The following SYCE1 variants were observed in gnomAD, a reference collection of about 807,000 sequenced individuals.
SYCE1 encodes the protein synaptonemal complex central element protein 1, also known as cancer/testis antigen 76.
In SYCE1, 37 loss-of-function variants were observed where a neutral mutation model predicts 55.1. That is an observed-to-expected ratio of 0.67 (90% confidence interval 0.52 to 0.88). The LOEUF is 0.88. Among genes scored for constraint, SYCE1 ranks in the 40% least tolerant of loss-of-function variants. The probability of loss-of-function intolerance (pLI) is 0.00; values close to 1 mark genes in which losing one functional copy is unlikely to be tolerated. For synonymous variants in SYCE1, 163 were observed against 159.4 expected (o/e 1.02, Z -0.17); for missense variants, 399 against 416.4 (o/e 0.96, Z 0.36).
At position 133,564,402 on chromosome 10, in the gene SYCE1, A is replaced by T. The variant is rs1373696034; in HGVS notation, c.73+1055T>A. On this transcript the variant is annotated intron_variant, in intron 1 of 12. Transcript: ENST00000343131. ...AAGCGACATTGGTTAAAACTTACCT[A>T]AATATACTAGGTTATGTGAGGAACA... The T allele has an allele frequency of 3.0e-6, 3 of 985,252 alleles. No homozygotes were observed. The African/African-American group carries it at 5.2e-5, about 17-fold the overall frequency. 61.0% of individuals were successfully genotyped at this position (985,252 alleles called of 1,614,324 possible).
upstream of SYCE1, chr10:133,568,188 A>G: frequency 1.9e-6 from 2 of 1,050,414 alleles, no homozygotes; most frequent in South Asian, 1.3e-5. Context: ...GTCCACGTAC[A>G]GTAGCTGTAG....
At chr10:133,563,672 A>C (rs1336684018) in intron 1 of SYCE1, among the ~76,000 whole-genome samples, 1 of 142,498 alleles carries the variant, frequency 7.0e-6, no homozygotes, top group African/African-American at 2.5e-5. Context: ...CCTGGGCAAC[A>C]AAGCACAATC....
chr10:133,563,804 T>C (rs954376568), intron 1 of SYCE1, among the ~76,000 whole-genome samples: 13 of 152,174 alleles, frequency 8.5e-5, no homozygotes, highest in African/African-American at 3.1e-4. Flanking sequence ...TCATAAATTT[T>C]TGCATTAAGT....
intron 1 of SYCE1, chr10:133,564,462 G>A (rs1391913466): frequency 5.1e-6 from 5 of 983,958 alleles, no homozygotes; most frequent in Non-Finnish European, 4.8e-6. Flanking sequence ...GCACACCGGC[G>A]GGCCAGCAGG....
At chr10:133,567,956 AC>A, upstream of SYCE1, 1 of 572,760 alleles carries the variant, frequency 1.7e-6, no homozygotes, top group Non-Finnish European at 3.3e-6. Flanking sequence ...TGGCGGGTCC[AC>A]AGGGGCAGCC....
At position 133,558,879 on chromosome 10, in the gene SYCE1, G is replaced by A. The variant is rs747529738; in HGVS notation, c.269C>T (p.Ser90Leu). ...ICEALQKELD[S>L]LHGEKVHLKE... ...TGGGTGACCCCCGGCTCTCTTACGC[G>A]AGTCCAGTTCCTTCTGCAGGGCCTC... is the stretch of plus-strand genomic sequence containing the variant. The change falls in exon 4 of 13, where the codon TCG becomes TTG. Residue 90 changes from serine to leucine, a missense_variant and splice_region_variant. Transcript: ENST00000343131. 12 of 1,613,468 alleles carry A rather than the reference G, an allele frequency of 7.4e-6. No individual in the cohort carries two copies. Among genetic ancestry groups the A allele is most frequent in the African/African-American group, 6.7e-5 (5 of 74,822 alleles).
intron 1 of SYCE1, chr10:133,560,749 A>T (rs1851798854): frequency 6.6e-6 from 1 of 152,194 alleles, no homozygotes; most frequent in Admixed American, 6.5e-5. Flanking sequence ...AACATTGTGA[A>T]AGGAAAATAA....
chr10:133,559,195 G>T, intron 3 of SYCE1, 106 bp downstream of exon 3: 2 of 1,263,572 alleles, frequency 1.6e-6, no homozygotes, highest in Non-Finnish European at 2.3e-6. Context: ...TTGCTGTTGT[G>T]AATAACCAGT....
upstream of SYCE1, among the ~76,000 whole-genome samples, chr10:133,567,577 C>T (rs945480205): frequency 6.6e-6 from 1 of 152,050 alleles, no homozygotes. Context: ...CCCCTTACTT[C>T]CCCCCAAATT....
chr10:133,553,923 A>T (rs902294819), downstream of SYCE1: 2 of 174,414 alleles, frequency 1.1e-5, no homozygotes, highest in African/African-American at 4.7e-5. Flanking sequence ...ACTATTTATT[A>T]GTCTTTTTTT....
rs372679555 is a variant in SYCE1, at chr10:133,559,367, G to A, written c.137-7C>T. The A allele has an allele frequency of 2.9e-5, 47 of 1,613,960 alleles. No individual in the cohort carries two copies. The highest frequency in any genetic ancestry group is 6.7e-5 in the African/African-American group (5 of 75,020). ...CGGGGCTCTAGGCTTCCCACTGCAC[G>A]GAGGAAAGGAGGTTGAGTTGACAGG... On this transcript the variant is annotated splice_polypyrimidine_tract_variant and splice_region_variant and intron_variant, in intron 2 of 12. Coordinates refer to ENST00000343131, the MANE Select transcript of SYCE1 (RefSeq NM_001143764.3).
intron 8 of SYCE1, 67 bp from the exon 9 acceptor site, chr10:133,556,114 T>G (rs41299171): frequency 3.5e-5 from 55 of 1,575,174 alleles, no homozygotes; most frequent in Non-Finnish European, 4.2e-5. Flanking sequence ...GAAGGCTATC[T>G]GGATCTTGTT....
In SYCE1 at chr10:133,554,972, C is replaced by T; in HGVS notation, c.*20G>A. The T allele has an allele frequency of 1.3e-6, 2 of 1,525,262 alleles. No homozygotes were observed. Among genetic ancestry groups the T allele is most frequent in the South Asian group, 1.3e-5 (1 of 77,666 alleles). 94.5% of individuals were successfully genotyped at this position (1,525,262 alleles called of 1,614,324 possible). ...GATCTTGGGCCTGACCCCTACTCCT[C>T]ACCAGTAGACTTAGCTGTATCAAAA... On this transcript the variant is annotated 3_prime_UTR_variant, in exon 13 of 13. Transcript: ENST00000343131.
rs1422244673 is a variant in SYCE1 at position 133,555,048 on chromosome 10, T to G, written c.1000A>C (p.Thr334Pro). Reference protein sequence around the residue: ...GPDVLIGQEDTLHPDLSPRGF... With the variant: ...GPDVLIGQEDPLHPDLSPRGF... ...CTTGGGCTAAGGTCGGGGTGGAGTG[T>G]GTCCTCCTGGCCTATGAGGACATCA... Residue 334 changes from threonine (T) to proline (P), a missense_variant, in exon 13 of 13, where the codon ACA (threonine) becomes CCA (proline). By Grantham distance (38) the Thr-to-Pro change is conservative. Transcript: ENST00000343131. The G allele has an allele frequency of 3.2e-6, 5 of 1,551,406 alleles. No homozygotes were observed. Among genetic ancestry groups the G allele is most frequent in the Non-Finnish European group, 3.5e-6 (4 of 1,146,952 alleles).
chr10:133,556,032 CCAGCCGCTCTG>C lies in SYCE1; in HGVS notation c.533_543del (p.Pro178ArgfsTer39). 2 of 1,613,954 alleles carry C rather than the reference CCAGCCGCTCTG, an allele frequency of 1.2e-6. No individual in the cohort carries two copies. The highest frequency in any genetic ancestry group is 1.7e-6 in the Non-Finnish European group (2 of 1,180,018). ...CTGTCCAGGGCACAAATCTCCTTTGCCAGCCGCTCTGGCATCTGAGGGGCAGAAAAGAGGCC... is the reference window on the plus strand; with the variant it reads ...CTGTCCAGGGCACAAATCTCCTTTGCGCATCTGAGGGGCAGAAAAGAGGCC... On this transcript the variant is annotated frameshift_variant, in exon 9 of 13. Transcript: ENST00000343131. LOFTEE classifies it high-confidence loss of function.
chr10:133,567,674 C>T (rs994364041), upstream of SYCE1: 3 of 189,372 alleles, frequency 1.6e-5, no homozygotes, highest in African/African-American at 7.0e-5. Flanking sequence ...CTGAGGTCAC[C>T]TCCCTGTCCA....
intron 2 of SYCE1, 29 bp from the exon 3 acceptor site, chr10:133,559,389 C>G: frequency 6.2e-7 from 1 of 1,612,154 alleles, no homozygotes; most frequent in African/African-American, 1.3e-5. Context: ...GTTGAGTTGA[C>G]AGGGCAGGCA....
intron 1 of SYCE1, among the ~76,000 whole-genome samples, chr10:133,563,786 A>G (rs760922079): frequency 6.6e-5 from 10 of 152,146 alleles, no homozygotes; most frequent in Admixed American, 2.6e-4. Context: ...TCTTACACAA[A>G]TTACTGCTCA....
chr10:133,565,333 C>T (rs1002015005), intron 1 of SYCE1, 124 bp downstream of exon 1: 8 of 876,390 alleles, frequency 9.1e-6, no homozygotes, highest in Non-Finnish European at 1.1e-5. Flanking sequence ...CTGAAGAAAC[C>T]CGCTAAGTCT....
Sources: allele counts gnomAD v4.1 joint callset (sites outside exome capture counted in the v4.1 genomes callset), GRCh38; gene constraint gnomAD v4.1.1; transcripts MANE v1.5; gene names NCBI Gene and HGNC (gene_info 2026-07-23, HGNC 2026-07-21).